Variants in ELAC2 observed in about 807,000 individuals in gnomAD.
ELAC2 encodes zinc phosphodiesterase ELAC protein 2.
ELAC2 carries 92 observed loss-of-function variants against 105.2 expected under a neutral mutation model. That is an observed-to-expected ratio of 0.87 (90% CI 0.74 to 1.04). The LOEUF is 1.04. Ranked by LOEUF, ELAC2 falls within the 50% of genes least tolerant of loss-of-function variation. ELAC2 has a pLI of 0.00. For synonymous variants in ELAC2, 468 were observed against 409.1 expected (o/e 1.14, Z -1.74); for missense variants, 1,099 against 1,071.7 (o/e 1.03, Z -0.36).
chr17:13,009,015 G>A (rs1283940111), intron 8 of ELAC2, among the ~76,000 whole-genome samples: 1 of 152,160 alleles, frequency 6.6e-6, no homozygotes, highest in Non-Finnish European at 1.5e-5. Context: ...GCAGGAATAC[G>A]ATTTAAAGAT....
chr17:13,010,297 A>G (rs978836135), intron 8 of ELAC2, among the ~76,000 whole-genome samples: 3 of 152,084 alleles, frequency 2.0e-5, no homozygotes, highest in Non-Finnish European at 4.4e-5. Flanking sequence ...TGGCCTCTCA[A>G]GTAGCTGGGA....
intron 5 of ELAC2, among the ~76,000 whole-genome samples, chr17:13,014,163 T>G (rs1037454550): frequency 6.6e-6 from 1 of 151,908 alleles, no homozygotes; most frequent in African/African-American, 2.4e-5. Flanking sequence ...CGTGATGGCA[T>G]GCGCCTGTAG....
In ELAC2 at chr17:12,993,747, C is replaced by T. The variant is rs2143547688; in HGVS notation, c.2193G>A (p.Lys731=). The T allele has an allele frequency of 1.9e-6, 3 of 1,614,160 alleles. No homozygotes were observed. Among genetic ancestry groups the T allele is most frequent in the Non-Finnish European group, 2.5e-6 (3 of 1,180,028 alleles). ...MLNHFSQRYA[K]VPLFSPNFSE... ...TGAAGTTGGGGCTGAAGAGGGGGAC[C>T]TTGGCATAGCGCTGGCTGAAGTGGT... The change falls in exon 23 of 24, where the codon AAG becomes AAA. Residue 731 remains lysine (K), a synonymous_variant. Coordinates refer to ENST00000338034, the MANE Select transcript of ELAC2 (RefSeq NM_018127.7).
At chr17:13,008,271 G>A (rs1428001634) in intron 8 of ELAC2, among the ~76,000 whole-genome samples, 1 of 151,846 alleles carries the variant, frequency 6.6e-6, no homozygotes, top group Non-Finnish European at 1.5e-5. Context: ...CAGCACTTTG[G>A]GAGGCCAAGG....
rs960361937 is a variant in ELAC2 at position 12,995,013 on chromosome 17, C to T, written c.1858G>A (p.Ala620Thr). Residue 620 changes from alanine (A) to threonine (T), a missense_variant, in exon 20 of 24, where the codon GCA becomes ACA. Coordinates refer to ENST00000338034, the MANE Select transcript of ELAC2 (RefSeq NM_018127.7). The part of the protein sequence containing the change: ...LQEGAEISSP[A>T]VERLISSLLR... ...AGCGAACTGATCAATCTTTCCACTG[C>T]AGGACTGGAGATCTCAGCCCCTTCC... is the stretch of plus-strand genomic sequence containing the variant. 5.6e-6 allele frequency: 9 copies of T among 1,614,104 alleles called. No individual in the cohort carries two copies. The African/African-American group carries it at 9.3e-5, about 17-fold the overall frequency.
At chr17:13,015,686 T>A in intron 4 of ELAC2, 82 bp downstream of exon 4, 2 of 1,223,904 alleles carry the variant, frequency 1.6e-6, no homozygotes, top group Non-Finnish European at 2.4e-6. Flanking sequence ...GGCAGAAGAC[T>A]GATTTGCAAA....
intron 8 of ELAC2, among the ~76,000 whole-genome samples, chr17:13,008,189 G>T (rs2041215056): frequency 6.6e-6 from 1 of 151,664 alleles, no homozygotes; most frequent in Non-Finnish European, 1.5e-5. Context: ...AACAGAGCGA[G>T]ACTCCATCTC....
rs2040409061 is a variant in ELAC2 at position 12,995,184 on chromosome 17, T to C, written c.1809-122A>G. ...TTAGGAGAAAACATGAGTTAAATCATAGTCACTATGATGAGGAAACAGCAG... is the reference window on the plus strand; with the variant it reads ...TTAGGAGAAAACATGAGTTAAATCACAGTCACTATGATGAGGAAACAGCAG... On this transcript the variant is annotated intron_variant, in intron 19 of 23. Coordinates refer to ENST00000338034, the MANE Select transcript of ELAC2 (RefSeq NM_018127.7). 6.6e-6 allele frequency: 7 copies of C among 1,054,884 alleles called. No individual in the cohort carries two copies. In the South Asian group the frequency reaches 9.0e-5, roughly 14 times the overall value. The allele number at this position is 1,054,884 out of a possible 1,614,324, so 65.3% of individuals were successfully genotyped here. A position where few individuals can be genotyped will look rare whatever the true frequency, so the allele number is the denominator to read the frequency against.
At chr17:13,017,498 C>CCT in intron 1 of ELAC2, 7 of 1,110,586 alleles carry the variant, frequency 6.3e-6, no homozygotes, top group Non-Finnish European at 8.8e-6. Context: ...CGCTCAGACC[C>CCT]AGGCCTGAAG....
chr17:12,993,893 G>A, intron 22 of ELAC2, 62 bp from the exon 23 acceptor site: 1 of 1,611,620 alleles, frequency 6.2e-7, no homozygotes. Context: ...AAAGCAGACA[G>A]TGGCACAGAC....
Position 13,010,597 on chromosome 17 carries a change from G to T in ELAC2, c.738+16C>A. On this transcript the variant is annotated intron_variant, in intron 8 of 23. Coordinates refer to ENST00000338034, the MANE Select transcript of ELAC2 (RefSeq NM_018127.7). Reference sequence around the variant, plus strand: ...AGACCCCAGTCATGTACAGCCCTCCGGAAAGTCTTCCTTACCTTACAGATG... The same window carrying T: ...AGACCCCAGTCATGTACAGCCCTCCTGAAAGTCTTCCTTACCTTACAGATG... The T allele has an allele frequency of 6.2e-7, 1 of 1,613,610 alleles. No homozygotes were observed. The highest frequency in any genetic ancestry group is 8.5e-7 in the Non-Finnish European group (1 of 1,179,694).
At chr17:13,004,515 G>GACA (rs1229899802) in intron 11 of ELAC2, among the ~76,000 whole-genome samples, 4 of 152,184 alleles carry the variant, frequency 2.6e-5, no homozygotes, top group Admixed American at 2.0e-4. Flanking sequence ...TTCGATAGAG[G>GACA]ACAACAACAG....
intron 15 of ELAC2, 84 bp from the exon 16 acceptor site, chr17:12,998,592 G>C: frequency 7.8e-7 from 1 of 1,278,710 alleles, no homozygotes; most frequent in Non-Finnish European, 1.1e-6. Context: ...GCAATGGTTT[G>C]AGTGTCATTG....
Position 13,002,715 on chromosome 17 carries a change from A to G in ELAC2, c.1080-136T>C, listed in dbSNP as rs1267924708. ...GTGACTTGCCCCAAGCAGTGTTACTACATGGCCAAACATGGTCCCACTCCT... is the reference window on the plus strand; with the variant it reads ...GTGACTTGCCCCAAGCAGTGTTACTGCATGGCCAAACATGGTCCCACTCCT... On this transcript the variant is annotated intron_variant, in intron 12 of 23. Coordinates refer to ENST00000338034, the MANE Select transcript of ELAC2 (RefSeq NM_018127.7). The G allele has an allele frequency of 6.7e-6, 9 of 1,342,340 alleles. No individual in the cohort carries two copies. In the African/African-American group the frequency reaches 1.3e-4, roughly 19 times the overall value. The allele number at this position is 1,342,340 out of a possible 1,614,324, so 83.2% of individuals were successfully genotyped here.
At chr17:12,997,528 T>C (rs1194561782) in intron 16 of ELAC2, among the ~76,000 whole-genome samples, 1 of 152,108 alleles carries the variant, frequency 6.6e-6, no homozygotes, top group African/African-American at 2.4e-5. Flanking sequence ...TCGCAGGGTG[T>C]CAGGTCAAAC....
rs528704041 is a variant in ELAC2, at chr17:12,991,724, G to C, written c.*1094C>G. The C allele has an allele frequency of 4.7e-6, 1 of 211,948 alleles. No individual in the cohort carries two copies. Among genetic ancestry groups the C allele is most frequent in the Admixed American group, 5.9e-5 (1 of 16,992 alleles). 13.1% of individuals were successfully genotyped at this position (211,948 alleles called of 1,614,324 possible). A position where few individuals can be genotyped will look rare whatever the true frequency, so the allele number is the denominator to read the frequency against. Reference sequence around the variant, plus strand: ...AATGCACACCGGGATGGAGCCTGAAGGTCACCACCTGTGTAAAGCCAGGTC... The same window carrying C: ...AATGCACACCGGGATGGAGCCTGAACGTCACCACCTGTGTAAAGCCAGGTC... On this transcript the variant is annotated 3_prime_UTR_variant, in exon 24 of 24. Coordinates refer to ENST00000338034, the MANE Select transcript of ELAC2 (RefSeq NM_018127.7).
chr17:12,998,526 T>C lies in ELAC2; in HGVS notation c.1424-18A>G, dbSNP rs1567749034. On this transcript the variant is annotated intron_variant, in intron 15 of 23. Transcript: ENST00000338034. ...TCTTTTCTCTGTGAAAAAATCCATG[T>C]GAAACAATCCATTCCTTTGGGTCAA... 6.2e-7 allele frequency: 1 copy of C among 1,607,978 alleles called. No individual in the cohort carries two copies.
At chr17:13,002,724 A>G in intron 12 of ELAC2, 145 bp from the exon 13 acceptor site, 1 of 1,317,244 alleles carries the variant, frequency 7.6e-7, no homozygotes, top group Non-Finnish European at 1.1e-6. Context: ...TACATGGCCA[A>G]ACATGGTCCC....
intron 4 of ELAC2, among the ~76,000 whole-genome samples, chr17:13,015,275 T>C (rs1259377375): frequency 6.6e-6 from 1 of 152,224 alleles, no homozygotes; most frequent in Non-Finnish European, 1.5e-5. Flanking sequence ...TTTCAAACGT[T>C]ATTTTGGGGA....
Sources: allele counts gnomAD v4.1 joint callset (sites outside exome capture counted in the v4.1 genomes callset), GRCh38; gene constraint gnomAD v4.1.1; transcripts MANE v1.5; gene names NCBI Gene and HGNC (gene_info 2026-07-23, HGNC 2026-07-21).